Variants in CACNA2D3 observed in about 807,000 individuals in gnomAD.
CACNA2D3 encodes voltage-dependent calcium channel subunit alpha-2/delta-3.
CACNA2D3 carries 60 observed loss-of-function variants against 160.6 expected under a neutral mutation model. The observed-to-expected ratio is 0.37, with a 90% CI of 0.30 to 0.46. The LOEUF (loss-of-function observed/expected upper bound fraction) is 0.46, where lower values mean the gene tolerates loss of function less well. Ranked by LOEUF, CACNA2D3 falls within the 20% of genes least tolerant of loss-of-function variation. CACNA2D3 has a pLI of 1.00. For synonymous variants in CACNA2D3, 558 were observed against 492.9 expected (o/e 1.13, Z -1.75); for missense variants, 1,205 against 1,365.0 (o/e 0.88, Z 1.85).
At chr3:54,263,537 C>T (rs1702442325) in intron 2 of CACNA2D3, among the ~76,000 whole-genome samples, 1 of 152,140 alleles carries the variant, frequency 6.6e-6, no homozygotes, top group African/African-American at 2.4e-5. Flanking sequence ...GGTGCATTGC[C>T]AGAGCCCAAG....
intron 27 of CACNA2D3, among the ~76,000 whole-genome samples, chr3:54,952,806 A>G (rs1169374497): frequency 3.9e-5 from 6 of 152,132 alleles, no homozygotes; most frequent in Non-Finnish European, 8.8e-5. Context: ...GACAATGACA[A>G]TATCTATCTA....
At chr3:54,405,659 A>G (rs1248853639) in intron 4 of CACNA2D3, among the ~76,000 whole-genome samples, 1 of 152,180 alleles carries the variant, frequency 6.6e-6, no homozygotes, top group African/African-American at 2.4e-5. Context: ...TGACCTTGAC[A>G]GTGATTTCTT....
intron 3 of CACNA2D3, among the ~76,000 whole-genome samples, chr3:54,357,355 A>G (rs907862217): frequency 2.6e-5 from 4 of 152,354 alleles, no homozygotes; most frequent in African/African-American, 9.6e-5. Flanking sequence ...TACATTCCCA[A>G]AAAGCTGTCA....
intron 11 of CACNA2D3, among the ~76,000 whole-genome samples, chr3:54,642,917 C>A (rs1376510214): frequency 1.3e-5 from 2 of 152,156 alleles, no homozygotes; most frequent in African/African-American, 4.8e-5. Flanking sequence ...TACCCCACCC[C>A]TCCAGCAGCA....
At chr3:54,645,732 A>G (rs1193659045) in intron 11 of CACNA2D3, among the ~76,000 whole-genome samples, 1 of 152,178 alleles carries the variant, frequency 6.6e-6, no homozygotes, top group Non-Finnish European at 1.5e-5. Context: ...TCCTTGCCTG[A>G]GCCCTAAACT....
rs138680231 is a variant in CACNA2D3, at chr3:54,270,128, G to A, written c.205-50314G>A. Among the ~76,000 whole-genome samples, 874 of 152,238 alleles carry A rather than the reference G, an allele frequency of 5.7e-3. 11 individuals carry two copies. Among genetic ancestry groups the A allele is most frequent in the Non-Finnish European group, 5.5e-3 (373 of 68,028 alleles). ...TGAAAGCGTTTTTTAAATTCTTCTCGTGTTCAGCATTCTCCTCAATTGTTA... is the reference window on the plus strand; with the variant it reads ...TGAAAGCGTTTTTTAAATTCTTCTCATGTTCAGCATTCTCCTCAATTGTTA... On this transcript the variant is annotated intron_variant, in intron 2 of 37. Transcript: ENST00000474759.
At chr3:54,685,098 A>C (rs1700425868) in intron 11 of CACNA2D3, among the ~76,000 whole-genome samples, 1 of 152,194 alleles carries the variant, frequency 6.6e-6, no homozygotes, top group South Asian at 2.1e-4. Context: ...CAGAGAACAA[A>C]AGCCTGTGGG....
chr3:54,252,907 C>T (rs1179937011), intron 2 of CACNA2D3, among the ~76,000 whole-genome samples: 1 of 152,138 alleles, frequency 6.6e-6, no homozygotes, highest in Non-Finnish European at 1.5e-5. Context: ...TCTTTGCTTT[C>T]ATCAATCTTG....
intron 2 of CACNA2D3, among the ~76,000 whole-genome samples, chr3:54,298,035 T>TC (rs766789455): frequency 5.3e-5 from 8 of 152,138 alleles, no homozygotes; most frequent in Non-Finnish European, 1.0e-4. Flanking sequence ...CATGCCAAAC[T>TC]CTAGGATATC....
intron 24 of CACNA2D3, 79 bp downstream of exon 24, chr3:54,888,131 A>G (rs982297487): frequency 2.7e-5 from 31 of 1,150,526 alleles, no homozygotes; most frequent in Non-Finnish European, 4.1e-5. Context: ...TTAAAGAACT[A>G]AACTGTTTTA....
intron 16 of CACNA2D3, among the ~76,000 whole-genome samples, chr3:54,844,985 A>G (rs1440784510): frequency 6.6e-6 from 1 of 152,340 alleles, no homozygotes; most frequent in Non-Finnish European, 1.5e-5. Flanking sequence ...AAACATAATA[A>G]TGGTAATTAA....
At chr3:54,435,700 C>G (rs1029182436) in intron 4 of CACNA2D3, among the ~76,000 whole-genome samples, 49 of 152,096 alleles carry the variant, frequency 3.2e-4, no homozygotes, top group Admixed American at 2.8e-3. Flanking sequence ...ACTCACCATA[C>G]CAAGAATCCA....
At chr3:54,638,437 C>T (rs532102503) in intron 10 of CACNA2D3, 5 of 151,842 alleles carry the variant, frequency 3.3e-5, no homozygotes, top group East Asian at 1.9e-4. Context: ...AACTGTAAGC[C>T]GGAGCAGGTG....
intron 27 of CACNA2D3, among the ~76,000 whole-genome samples, chr3:54,942,093 A>G (rs1701484413): frequency 6.6e-6 from 1 of 152,224 alleles, no homozygotes; most frequent in African/African-American, 2.4e-5. Flanking sequence ...TTACCAAGGA[A>G]GTGTTGGCTA....
At chr3:54,456,543 G>C (rs1033798080) in intron 4 of CACNA2D3, among the ~76,000 whole-genome samples, 15 of 151,796 alleles carry the variant, frequency 9.9e-5, no homozygotes, top group African/African-American at 3.6e-4. Flanking sequence ...GTATTCATTA[G>C]GGATATTGGC....
At chr3:54,308,857 C>G (rs1296213790) in intron 2 of CACNA2D3, among the ~76,000 whole-genome samples, 1 of 152,114 alleles carries the variant, frequency 6.6e-6, no homozygotes, top group Non-Finnish European at 1.5e-5. Flanking sequence ...GGTGAATTAT[C>G]TTCAACTGGA....
intron 9 of CACNA2D3, among the ~76,000 whole-genome samples, chr3:54,621,811 G>A (rs1200840306): frequency 6.6e-6 from 1 of 152,226 alleles, no homozygotes; most frequent in Non-Finnish European, 1.5e-5. Context: ...AGATTATAAA[G>A]TTGCAACCCA....
intron 4 of CACNA2D3, among the ~76,000 whole-genome samples, chr3:54,420,693 A>T (rs941599778): frequency 2.0e-5 from 3 of 152,220 alleles, no homozygotes; most frequent in African/African-American, 7.2e-5. Context: ...GAGATGTACT[A>T]TTATTGCCCC....
rs539542898 is a variant in CACNA2D3, at chr3:54,910,971, A to G, written c.2449+11103A>G. ...AGTAGACAGAAAAAAATACAATGAA[A>G]TTCCACGTATCTTGTGCCCAATCCC... On this transcript the variant is annotated intron_variant, in intron 27 of 37. Coordinates refer to ENST00000474759, the MANE Select transcript of CACNA2D3 (RefSeq NM_018398.3). Among the ~76,000 whole-genome samples, 13 of 152,310 alleles carry G rather than the reference A, an allele frequency of 8.5e-5. 1 individual carries two copies. In the South Asian group the frequency reaches 2.7e-3, roughly 32 times the overall value.
Sources: allele counts gnomAD v4.1 joint callset (sites outside exome capture counted in the v4.1 genomes callset), GRCh38; gene constraint gnomAD v4.1.1; transcripts MANE v1.5; gene names NCBI Gene and HGNC (gene_info 2026-07-23, HGNC 2026-07-21).